The following KAZN variants were observed in gnomAD, a reference collection of about 807,000 sequenced individuals.
The protein encoded by KAZN is kazrin, periplakin interacting protein.
In KAZN, 40 loss-of-function variants were observed where a neutral mutation model predicts 87.4. The ratio of observed to expected loss-of-function variants is 0.46; its 90% CI spans 0.36 to 0.60. The LOEUF is 0.60. Ranked by LOEUF, KAZN falls within the 20% of genes least tolerant of loss-of-function variation. The pLI is 0.00. For synonymous variants in KAZN, 466 were observed against 458.3 expected (o/e 1.02, Z -0.22); for missense variants, 898 against 1,073.9 (o/e 0.84, Z 2.29).
chr1:13,979,627 G>A (rs543159927), intron 1 of KAZN, among the ~76,000 whole-genome samples: 20 of 152,250 alleles, frequency 1.3e-4, no homozygotes, highest in Non-Finnish European at 1.8e-4. Context: ...TAGTAATACC[G>A]TGTAGAACTT....
At chr1:15,055,480 CAAA>C (rs899340511) in intron 4 of KAZN, among the ~76,000 whole-genome samples, 1 of 151,256 alleles carries the variant, frequency 6.6e-6, no homozygotes, top group Non-Finnish European at 1.5e-5. Context: ...CCAAACAAAA[CAAA>C]AAAAAGGAGT....
rs369468390 is a variant in KAZN at position 15,035,486 on chromosome 1, G to C, written c.555+601G>C. On this transcript the variant is annotated intron_variant, in intron 3 of 14. Transcript: ENST00000376030. ...TATGGGCCAGACAACTGAGGAATTT[G>C]TTTCACCATGTATCTCTCTGGTATC... is the stretch of plus-strand genomic sequence containing the variant. Among the ~76,000 whole-genome samples the C allele has an allele frequency of 9.9e-5, 15 of 152,210 alleles. No homozygotes were observed. In the South Asian group the frequency reaches 1.5e-3, roughly 15 times the overall value.
chr1:14,816,490 T>C (rs1276209376), intron 1 of KAZN, among the ~76,000 whole-genome samples: 1 of 152,188 alleles, frequency 6.6e-6, no homozygotes, highest in Non-Finnish European at 1.5e-5. Flanking sequence ...TTCTAGAAGC[T>C]TCCCATGGTT....
At chr1:14,628,053 A>C (rs565657902) in intron 1 of KAZN, among the ~76,000 whole-genome samples, 2 of 152,176 alleles carry the variant, frequency 1.3e-5, no homozygotes, top group South Asian at 4.2e-4. Context: ...GCACCCATCC[A>C]TCCACTTGCA....
intron 2 of KAZN, among the ~76,000 whole-genome samples, chr1:14,573,754 A>T (rs981147709): frequency 1.3e-5 from 2 of 152,232 alleles, no homozygotes; most frequent in African/African-American, 4.8e-5. Context: ...TCAGGCACAT[A>T]GCATTCTCAG....
Position 14,636,183 on chromosome 1 carries a change from G to C in KAZN, c.226+36960G>C, listed in dbSNP as rs1474812365. Among the ~76,000 whole-genome samples, 3 of 152,136 alleles carry C rather than the reference G, an allele frequency of 2.0e-5. No individual in the cohort carries two copies. In the East Asian group the frequency reaches 5.8e-4, roughly 29 times the overall value. ...CCAACCCTTAATGCTTATGAGATGG[G>C]GTGATTTGGGGCAAGGCACCTCCGT... On this transcript the variant is annotated intron_variant, in intron 1 of 14. Transcript: ENST00000376030.
At chr1:14,969,109 G>A (rs1044161752) in intron 2 of KAZN, among the ~76,000 whole-genome samples, 4 of 152,230 alleles carry the variant, frequency 2.6e-5, no homozygotes, top group Admixed American at 1.3e-4. Flanking sequence ...CTTTGCAGAT[G>A]TCACCAGGCC....
chr1:14,325,023 C>T (rs72644481), intron 2 of KAZN, among the ~76,000 whole-genome samples: 12,796 of 152,228 alleles, frequency 0.084, 718 homozygotes, highest in East Asian at 0.14. Flanking sequence ...CTTCTATGTA[C>T]AGAATTTTCT....
intron 2 of KAZN, among the ~76,000 whole-genome samples, chr1:14,415,959 C>G (rs1178375629): frequency 6.6e-6 from 1 of 152,118 alleles, no homozygotes; most frequent in African/African-American, 2.4e-5. Context: ...AAGACAAACT[C>G]CAGGGGCTGT....
chr1:14,515,885 C>T (rs1671272674), intron 2 of KAZN, among the ~76,000 whole-genome samples: 2 of 152,066 alleles, frequency 1.3e-5, no homozygotes, highest in African/African-American at 2.4e-5. Context: ...TTGCATTTCT[C>T]CCAACTAAAA....
chr1:14,400,818 T>A (rs772874216), intron 2 of KAZN, among the ~76,000 whole-genome samples: 1 of 152,194 alleles, frequency 6.6e-6, no homozygotes, highest in African/African-American at 2.4e-5. Flanking sequence ...TGTGACTAGA[T>A]CACAAGAATT....
chr1:14,562,805 T>C (rs1387210959), intron 2 of KAZN, among the ~76,000 whole-genome samples: 1 of 152,262 alleles, frequency 6.6e-6, no homozygotes, highest in African/African-American at 2.4e-5. Flanking sequence ...GAACTTTAAT[T>C]CTTCCCACAC....
At chr1:14,052,482 A>T (rs1336378420) in intron 1 of KAZN, among the ~76,000 whole-genome samples, 1 of 152,130 alleles carries the variant, frequency 6.6e-6, no homozygotes, top group Non-Finnish European at 1.5e-5. Flanking sequence ...AATTAAGATC[A>T]TACCCTGTGA....
chr1:14,723,941 G>A (rs1165788767), intron 1 of KAZN, among the ~76,000 whole-genome samples: 2 of 152,162 alleles, frequency 1.3e-5, no homozygotes, highest in Non-Finnish European at 1.5e-5. Context: ...ACACATGAGC[G>A]TGGACAGATG....
At chr1:14,733,924 G>T (rs949275448) in intron 1 of KAZN, among the ~76,000 whole-genome samples, 1 of 152,198 alleles carries the variant, frequency 6.6e-6, no homozygotes, top group African/African-American at 2.4e-5. Flanking sequence ...AGTCCAGACT[G>T]CTGTCGGTTC....
chr1:14,599,042 G>T lies in KAZN; in HGVS notation c.45G>T (p.Ala15=). ...AGCTCGCGCTCCGCATCGATGGGGC[G>T]GTCCAGTCGGCCAGCCAGGAGGTGA... The part of the protein sequence containing the change: ...NKQLALRIDG[A]VQSASQEVTN... Residue 15 remains alanine (A), a synonymous_variant, in exon 1 of 15, where the codon GCG becomes GCT. Transcript: ENST00000376030. This position sits in a 1 kb window ranked among gnomAD's most constrained non-coding sequence, Gnocchi z 4.4. 1 of 1,568,316 alleles carries T rather than the reference G, an allele frequency of 6.4e-7. No individual in the cohort carries two copies. Among genetic ancestry groups the T allele is most frequent in the Non-Finnish European group, 8.6e-7 (1 of 1,161,454 alleles).
intron 2 of KAZN, among the ~76,000 whole-genome samples, chr1:14,323,236 G>C (rs915172838): frequency 6.6e-6 from 1 of 151,958 alleles, no homozygotes; most frequent in East Asian, 1.9e-4. Flanking sequence ...CTTTGGCTAA[G>C]AAGTACTTCT....
chr1:15,094,134 C>T lies in KAZN; in HGVS notation c.1223-46C>T, dbSNP rs1394600574. 2.5e-6 allele frequency: 4 copies of T among 1,580,858 alleles called. No individual in the cohort carries two copies. In the African/African-American group the frequency reaches 4.0e-5, roughly 16 times the overall value. On this transcript the variant is annotated intron_variant, in intron 8 of 14. Transcript: ENST00000376030. This position sits in a 1 kb window ranked among gnomAD's most constrained non-coding sequence, Gnocchi z 4.5. ...GGGTATGGCCTGCCCAGCCCCTGCC[C>T]CCAGCAGCCTCGTCCCCCAGCATGG...
At chr1:14,163,691 C>A (rs566086152) in intron 1 of KAZN, among the ~76,000 whole-genome samples, 7 of 152,150 alleles carry the variant, frequency 4.6e-5, no homozygotes, top group Non-Finnish European at 1.0e-4. Flanking sequence ...GTTTAACAAC[C>A]ACATCACCAT....
Sources: gnomAD v4.1 joint callset for allele counts (sites outside exome capture counted in the v4.1 genomes callset) on GRCh38, gnomAD v4.1.1 for gene constraint, Gnocchi (gnomAD v3.1) non-coding constraint, MANE v1.5 for transcripts, NCBI Gene and HGNC (gene_info 2026-07-23, HGNC 2026-07-21) for gene names.